RREB1: variants seen among roughly 807,000 people sequenced by gnomAD.
RREB1 encodes the protein ras-responsive element-binding protein 1.
RREB1 carries 27 observed loss-of-function variants against 117.8 expected under a neutral mutation model. The ratio of observed to expected loss-of-function variants is 0.23; its 90% CI spans 0.17 to 0.32. The LOEUF is 0.32. RREB1 is among the 10% of genes least tolerant of loss of function. RREB1 has a pLI of 1.00. For missense variants in RREB1, 2,577 were observed against 2,378.2 expected (o/e 1.08, Z -1.74); for synonymous variants, 1,298 against 1,026.7 (o/e 1.26, Z -5.05).
Position 7,231,164 on chromosome 6 carries a change from C to G in RREB1, c.3065C>G (p.Ala1022Gly), listed in dbSNP as rs775703086. The change falls in exon 10 of 13, where the codon GCC becomes GGC. Residue 1022 changes from alanine (A) to glycine (G), a missense_variant. Coordinates refer to ENST00000379938, the MANE Select transcript of RREB1 (RefSeq NM_001003699.4). ...CTGGCGGTCCCAATCTACTCCTCAG[C>G]CCTGGTCAGCAGCCCTCCACTCGTG... ...VQLAVPIYSS[A>G]LVSSPPLVGS... 89 of 1,611,786 alleles carry G rather than the reference C, an allele frequency of 5.5e-5. No individual in the cohort carries two copies. The Admixed American group carries it at 1.5e-3, about 26-fold the overall frequency.
intron 1 of RREB1, among the ~76,000 whole-genome samples, chr6:7,109,581 G>A (rs1479730935): frequency 6.6e-6 from 1 of 152,204 alleles, no homozygotes; most frequent in African/African-American, 2.4e-5. Flanking sequence ...CGCTTGACAG[G>A]CGCCGCGTGC....
In RREB1 at chr6:7,251,430, AC is replaced by A. The variant is rs749338886; in HGVS notation, c.*2463del. The A allele has an allele frequency of 1.7e-4, 25 of 151,082 alleles. No homozygotes were observed. The highest frequency in any genetic ancestry group is 3.1e-4 in the Non-Finnish European group (21 of 67,876). 9.4% of individuals were successfully genotyped at this position (151,082 alleles called of 1,614,324 possible). A position where few individuals can be genotyped will look rare whatever the true frequency, so the allele number is the denominator to read the frequency against. On this transcript the variant is annotated 3_prime_UTR_variant, in exon 13 of 13. Transcript: ENST00000379938. Reference sequence around the variant, plus strand: ...TCTTTCTCCTTCTCTCAGGGCTTTTACAAAAAAATATATATATATGGATCTT... The same window carrying A: ...TCTTTCTCCTTCTCTCAGGGCTTTTAAAAAAAATATATATATATGGATCTT...
Position 7,228,998 on chromosome 6 carries a change from C to G in RREB1, c.899C>G (p.Ala300Gly), listed in dbSNP as rs1302134721. 6.6e-7 allele frequency: 1 copy of G among 1,519,408 alleles called. No individual in the cohort carries two copies. Among genetic ancestry groups the G allele is most frequent in the African/African-American group, 1.4e-5 (1 of 72,064 alleles). The allele number at this position is 1,519,408 out of a possible 1,614,324, so 94.1% of individuals were successfully genotyped here. A position where few individuals can be genotyped will look rare whatever the true frequency, so the allele number is the denominator to read the frequency against. ...CTTTTACCGGTGGGTTCTATATAGGCCTGGTGCGAAACAAACCTGCGGAGG... is the reference window on the plus strand; with the variant it reads ...CTTTTACCGGTGGGTTCTATATAGGGCTGGTGCGAAACAAACCTGCGGAGG... ...SCRKFPRISQ[A>G]WCETNLRRCI... Residue 300 changes from alanine (A) to glycine (G), a missense_variant and splice_region_variant, in exon 10 of 13, where the codon GCC (alanine) becomes GGC (glycine). Ala to Gly is a moderately conservative substitution (Grantham distance 60). Transcript: ENST00000379938.
chr6:7,176,625 T>C (rs1334933515), intron 1 of RREB1, 30 bp from the exon 2 acceptor site: 1 of 152,808 alleles, frequency 6.5e-6, no homozygotes, highest in Admixed American at 6.5e-5. Flanking sequence ...CTTAATCCTC[T>C]TTTAACATCA....
intron 6 of RREB1, among the ~76,000 whole-genome samples, chr6:7,192,643 T>C (rs1765471883): frequency 6.6e-6 from 1 of 152,348 alleles, no homozygotes; most frequent in African/African-American, 2.4e-5. Context: ...AATAATTTCC[T>C]TTCTTTCACT....
At chr6:7,132,884 G>T (rs1046765281) in intron 1 of RREB1, among the ~76,000 whole-genome samples, 3 of 152,150 alleles carry the variant, frequency 2.0e-5, no homozygotes, top group African/African-American at 4.8e-5. Context: ...TTTGGGTAGG[G>T]TTGCCACACA....
chr6:7,180,048 G>GTAGC (rs1452665764), intron 2 of RREB1, among the ~76,000 whole-genome samples: 1 of 152,168 alleles, frequency 6.6e-6, no homozygotes, highest in African/African-American at 2.4e-5. Flanking sequence ...GGTGGGGGCT[G>GTAGC]TAGCTTTCTT....
intron 1 of RREB1, among the ~76,000 whole-genome samples, chr6:7,111,920 C>T (rs1171520659): frequency 6.6e-6 from 1 of 152,062 alleles, no homozygotes; most frequent in Non-Finnish European, 1.5e-5. Context: ...TCTTTTATTC[C>T]GCATGAAACA....
At chr6:7,144,666 G>T (rs1762779422) in intron 1 of RREB1, among the ~76,000 whole-genome samples, 1 of 150,918 alleles carries the variant, frequency 6.6e-6, no homozygotes, top group Admixed American at 6.6e-5. Context: ...AGTTAATGAA[G>T]TATATTTTAA....
intron 1 of RREB1, among the ~76,000 whole-genome samples, chr6:7,161,546 CTG>C (rs1561752895): frequency 6.6e-6 from 1 of 152,202 alleles, no homozygotes; most frequent in African/African-American, 2.4e-5. Flanking sequence ...TTATGTTTCA[CTG>C]TGTTTCATCT....
Position 7,182,031 on chromosome 6 carries a change from C to G in RREB1, c.120C>G (p.Ile40Met). Reference protein sequence around the residue: ...VTENGGSPQGIKSPSKPPGPN... With the variant: ...VTENGGSPQGMKSPSKPPGPN... ...AGAATGGCGGGAGCCCCCAGGGGATCAAGTCCCCCTCGAAGCCTCCAGGAC... is the reference window on the plus strand; with the variant it reads ...AGAATGGCGGGAGCCCCCAGGGGATGAAGTCCCCCTCGAAGCCTCCAGGAC... Residue 40 changes from isoleucine (I) to methionine (M), a missense_variant, in exon 4 of 13, where the codon ATC becomes ATG. Transcript: ENST00000379938. The G allele has an allele frequency of 6.2e-7, 1 of 1,613,952 alleles. No individual in the cohort carries two copies. The highest frequency in any genetic ancestry group is 1.3e-5 in the African/African-American group (1 of 74,964).
chr6:7,200,173 T>G (rs1212772485), intron 6 of RREB1, among the ~76,000 whole-genome samples: 2 of 152,066 alleles, frequency 1.3e-5, no homozygotes, highest in Non-Finnish European at 2.9e-5. Flanking sequence ...TCAGCACAGC[T>G]TATTTTATAT....
chr6:7,165,510 TTCATGTCATGAAAATAC>T (rs1242675388), intron 1 of RREB1, among the ~76,000 whole-genome samples: 1 of 152,196 alleles, frequency 6.6e-6, no homozygotes, highest in African/African-American at 2.4e-5. Context: ...CCAAAACAAT[TTCATGTCATGAAAATAC>T]TGGTAGAGGT....
At chr6:7,200,234 A>ATG (rs1326696802) in intron 6 of RREB1, among the ~76,000 whole-genome samples, 106 of 125,216 alleles carry the variant, frequency 8.5e-4, no homozygotes, top group Admixed American at 2.2e-3. Flanking sequence ...ATATATATGT[A>ATG]TGTGTGTATA....
At chr6:7,137,315 A>T (rs1237655238) in intron 1 of RREB1, among the ~76,000 whole-genome samples, 1 of 152,190 alleles carries the variant, frequency 6.6e-6, no homozygotes, top group Non-Finnish European at 1.5e-5. Flanking sequence ...ACAGGGAGGC[A>T]GGGAATAGAG....
chr6:7,231,183 A>G lies in RREB1; in HGVS notation c.3084A>G (p.Pro1028=), dbSNP rs1336073725. 1.1e-5 allele frequency: 17 copies of G among 1,610,806 alleles called. No homozygotes were observed. In the East Asian group the frequency reaches 3.6e-4, roughly 34 times the overall value. The change falls in exon 10 of 13, where the codon CCA becomes CCG. Residue 1028 remains proline, a synonymous_variant. Coordinates refer to ENST00000379938, the MANE Select transcript of RREB1 (RefSeq NM_001003699.4). ...CCTCAGCCCTGGTCAGCAGCCCTCCACTCGTGGGCAGCTCAGCCCTCCTGA... is the reference window on the plus strand; with the variant it reads ...CCTCAGCCCTGGTCAGCAGCCCTCCGCTCGTGGGCAGCTCAGCCCTCCTGA... ...IYSSALVSSP[P]LVGSSALLSG...
Position 7,132,277 on chromosome 6 carries a change from A to C in RREB1, c.-285+24217A>C, listed in dbSNP as rs1005195446. ...ATCATGTTGGTCAGGCTGGACTCGA[A>C]CTCCTGACCTCAGGTGATCTACCTG... On this transcript the variant is annotated intron_variant, in intron 1 of 12. Coordinates refer to ENST00000379938, the MANE Select transcript of RREB1 (RefSeq NM_001003699.4). Among the ~76,000 whole-genome samples, 4 of 151,824 alleles carry C rather than the reference A, an allele frequency of 2.6e-5. 1 individual carries two copies. Among genetic ancestry groups the C allele is most frequent in the Admixed American group, 1.3e-4 (2 of 15,240 alleles).
chr6:7,176,733 C>T lies in RREB1; in HGVS notation c.-206C>T, dbSNP rs376750552. On this transcript the variant is annotated 5_prime_UTR_variant, in exon 2 of 13. Coordinates refer to ENST00000379938, the MANE Select transcript of RREB1 (RefSeq NM_001003699.4). ...ACGTTTGGGCCCAGCCAGGTTCAGCCCCCCAATAAGGAGGGCAGCTTGATA... is the reference window on the plus strand; with the variant it reads ...ACGTTTGGGCCCAGCCAGGTTCAGCTCCCCAATAAGGAGGGCAGCTTGATA... The T allele has an allele frequency of 5.9e-5, 9 of 152,346 alleles. No individual in the cohort carries two copies. Among genetic ancestry groups the T allele is most frequent in the Admixed American group, 4.6e-4 (7 of 15,242 alleles). 9.4% of individuals were successfully genotyped at this position (152,346 alleles called of 1,614,324 possible).
intron 1 of RREB1, among the ~76,000 whole-genome samples, chr6:7,120,647 G>A (rs1353395342): frequency 6.7e-6 from 1 of 150,082 alleles, no homozygotes; most frequent in African/African-American, 2.4e-5. Context: ...CTGAGCTTTT[G>A]AATGATTTTT....
Sources: gnomAD v4.1 joint callset for allele counts (sites outside exome capture counted in the v4.1 genomes callset) on GRCh38, gnomAD v4.1.1 for gene constraint, MANE v1.5 for transcripts, NCBI Gene and HGNC (gene_info 2026-07-23, HGNC 2026-07-21) for gene names.